BAIAP2L1: variants seen among roughly 807,000 people sequenced by gnomAD.
BAIAP2L1 encodes BAR/IMD domain containing adaptor protein 2 like 1, also known as BAR/IMD domain-containing adapter protein 2-like 1.
In BAIAP2L1, 35 loss-of-function variants were observed where a neutral mutation model predicts 66.3. The observed-to-expected ratio is 0.53, with a 90% CI of 0.40 to 0.70. The LOEUF (loss-of-function observed/expected upper bound fraction) is 0.70. Among genes scored for constraint, BAIAP2L1 ranks in the 30% least tolerant of loss-of-function variants. BAIAP2L1 has a pLI of 0.00. For missense variants in BAIAP2L1, 622 were observed against 656.9 expected, an observed-to-expected ratio of 0.95 and a Z score of 0.58; for synonymous variants, 269 against 248.7, an observed-to-expected ratio of 1.08 and a Z score of -0.77.
chr7:98,377,500 G>A lies in BAIAP2L1; in HGVS notation c.52-15068C>T, dbSNP rs374167930. Among the ~76,000 whole-genome samples, 173 of 152,224 alleles carry A rather than the reference G, an allele frequency of 1.1e-3. 1 individual carries two copies. Among genetic ancestry groups the A allele is most frequent in the African/African-American group, 3.9e-3 (160 of 41,536 alleles). ...GTCATACTTTTTGCCTGTTTGATAG[G>A]CAAACAATAGTATCTTTTAAAAAGT... On this transcript the variant is annotated intron_variant, in intron 1 of 13. Transcript: ENST00000005260.
At position 98,400,809 on chromosome 7, in the gene BAIAP2L1, G is replaced by A. The variant is rs1211915453; in HGVS notation, c.44C>T (p.Thr15Ile). 1 of 1,548,996 alleles carries A rather than the reference G, an allele frequency of 6.5e-7. No homozygotes were observed. Among genetic ancestry groups the A allele is most frequent in the East Asian group, 2.5e-5 (1 of 40,708 alleles). ...PEEVNRLTES[T>I]YRNVMEQFNP... ...CCCGGGCCCTGGGCTTACCCGGTAG[G>A]TGCTCTCCGTGAGCCGGTTCACCTC... The change falls in exon 1 of 14, where the codon ACC (threonine) becomes ATC (isoleucine). Residue 15 changes from threonine to isoleucine, a missense_variant. By Grantham distance (89) the Thr-to-Ile change is moderately conservative. Coordinates refer to ENST00000005260, the MANE Select transcript of BAIAP2L1 (RefSeq NM_018842.5).
At chr7:98,328,558 G>A (rs1439020535) in intron 3 of BAIAP2L1, among the ~76,000 whole-genome samples, 4 of 151,924 alleles carry the variant, frequency 2.6e-5, no homozygotes, top group Admixed American at 2.0e-4. Context: ...ACGTGGAGCA[G>A]ATGGGTTCAA....
intron 10 of BAIAP2L1, 187 bp from the exon 11 acceptor site, chr7:98,306,703 T>C: frequency 1.1e-6 from 1 of 872,448 alleles, no homozygotes; most frequent in South Asian, 1.8e-5. Flanking sequence ...ACAATGTGTA[T>C]TGTTAACAAT....
At chr7:98,310,773 G>A (rs1046700325) in intron 8 of BAIAP2L1, among the ~76,000 whole-genome samples, 181 bp from the exon 9 acceptor site, 1 of 151,814 alleles carries the variant, frequency 6.6e-6, no homozygotes, top group African/African-American at 2.4e-5. Flanking sequence ...TGCAACCTCC[G>A]CCTCCCAGTT....
intron 1 of BAIAP2L1, chr7:98,400,041 G>C (rs898176043): frequency 1.3e-5 from 2 of 151,766 alleles, no homozygotes; most frequent in African/African-American, 4.8e-5. Context: ...TCTTTTCTTA[G>C]AGGAAACTCG....
chr7:98,355,156 C>A, intron 2 of BAIAP2L1, 28 bp from the exon 3 acceptor site: 1 of 1,502,324 alleles, frequency 6.7e-7, no homozygotes, highest in Non-Finnish European at 9.3e-7. Flanking sequence ...CACACAAAAT[C>A]GTCACTTAGA....
chr7:98,366,709 T>G (rs373349136), intron 1 of BAIAP2L1, among the ~76,000 whole-genome samples: 1 of 152,188 alleles, frequency 6.6e-6, no homozygotes, highest in Non-Finnish European at 1.5e-5. Context: ...TCACCTGGTA[T>G]CACTAGACGC....
chr7:98,315,289 T>G (rs967955558), intron 7 of BAIAP2L1, among the ~76,000 whole-genome samples, 171 bp downstream of exon 7: 1 of 148,662 alleles, frequency 6.7e-6, no homozygotes. Context: ...GCCTGGCTAG[T>G]TTTTTTTTTA....
chr7:98,315,625 AAATAATAAT>A lies in BAIAP2L1; in HGVS notation c.487-22_487-14del. On this transcript the variant is annotated splice_polypyrimidine_tract_variant and intron_variant, in intron 6 of 13. Coordinates refer to ENST00000005260, the MANE Select transcript of BAIAP2L1 (RefSeq NM_018842.5). ...CGGTCTCCACATACTAAAAAAAAAA[AAATAATAAT>A]AATAATAATTATATAAGCATGACAT... The A allele has an allele frequency of 8.8e-7, 1 of 1,130,960 alleles. No individual in the cohort carries two copies. 70.1% of individuals were successfully genotyped at this position (1,130,960 alleles called of 1,614,324 possible). A position where few individuals can be genotyped will look rare whatever the true frequency, so the allele number is the denominator to read the frequency against.
chr7:98,301,475 G>GTATATA (rs60741017), intron 12 of BAIAP2L1, among the ~76,000 whole-genome samples: 48,340 of 141,848 alleles, frequency 0.34, 9,878 homozygotes, highest in Middle Eastern at 0.49. Context: ...TTTTTTTTTG[G>GTATATA]TATATATATA....
intron 3 of BAIAP2L1, among the ~76,000 whole-genome samples, chr7:98,322,044 C>T (rs1015697958): frequency 3.3e-5 from 5 of 152,214 alleles, no homozygotes; most frequent in East Asian, 3.9e-4. Context: ...TGCAGTGAGC[C>T]GAGATAGCGC....
At chr7:98,305,058 T>TG (rs1414695669) in intron 11 of BAIAP2L1, among the ~76,000 whole-genome samples, 1 of 145,794 alleles carries the variant, frequency 6.9e-6, no homozygotes, top group Non-Finnish European at 1.5e-5. Context: ...TTTTTTTTTT[T>TG]TTTTTTTTTT....
chr7:98,348,043 C>T (rs1291387777), intron 3 of BAIAP2L1, among the ~76,000 whole-genome samples: 2 of 151,710 alleles, frequency 1.3e-5, no homozygotes, highest in African/African-American at 4.8e-5. Context: ...TGTAGATGAC[C>T]GGTTAATGGG....
intron 1 of BAIAP2L1, among the ~76,000 whole-genome samples, chr7:98,378,425 A>C (rs1418778689): frequency 6.6e-6 from 1 of 152,180 alleles, no homozygotes; most frequent in South Asian, 2.1e-4. Context: ...GCTGAGGCAC[A>C]CTGGCCTCCG....
At chr7:98,398,146 AAC>A (rs1803261043) in intron 1 of BAIAP2L1, among the ~76,000 whole-genome samples, 1 of 152,204 alleles carries the variant, frequency 6.6e-6, no homozygotes, top group African/African-American at 2.4e-5. Context: ...GGCTTTTGTA[AAC>A]ACACCTGGTT....
rs1319271790 is a variant in BAIAP2L1 at position 98,293,046 on chromosome 7, ATTGC to A, written c.*471_*474del. On this transcript the variant is annotated 3_prime_UTR_variant, in exon 14 of 14. Transcript: ENST00000005260. ...TTTATATAGTATTTTCATAATTTAT[ATTGC>A]TTAAAATTATGATTTGCATGCTAAG... 4 of 881,296 alleles carry A rather than the reference ATTGC, an allele frequency of 4.5e-6. No individual in the cohort carries two copies. In the African/African-American group the frequency reaches 7.1e-5, roughly 16 times the overall value. 54.6% of individuals were successfully genotyped at this position (881,296 alleles called of 1,614,324 possible).
chr7:98,306,630 C>A, intron 10 of BAIAP2L1, 114 bp from the exon 11 acceptor site: 2 of 1,469,330 alleles, frequency 1.4e-6, no homozygotes, highest in East Asian at 2.3e-5. Flanking sequence ...CAGAAACGCC[C>A]ATGTGTGGAG....
Position 98,292,644 on chromosome 7 carries a change from A to C in BAIAP2L1, c.*877T>G. 1 of 1,551,682 alleles carries C rather than the reference A, an allele frequency of 6.4e-7. No homozygotes were observed. The highest frequency in any genetic ancestry group is 8.7e-7 in the Non-Finnish European group (1 of 1,146,982). On this transcript the variant is annotated 3_prime_UTR_variant, in exon 14 of 14. Transcript: ENST00000005260. The stretch of plus-strand genomic sequence containing the variant: ...AAAAACCCGCCCTTCTCCAGGCACC[A>C]GAGGTCATCCTGGCTTTACACGTAT...
intron 1 of BAIAP2L1, among the ~76,000 whole-genome samples, chr7:98,372,230 A>AC (rs2115767602): frequency 6.7e-6 from 1 of 149,182 alleles, no homozygotes; most frequent in South Asian, 2.1e-4. Flanking sequence ...ACATAGTGAA[A>AC]CCCCCTCCCT....
Sources: allele counts gnomAD v4.1 joint callset (sites outside exome capture counted in the v4.1 genomes callset), GRCh38; gene constraint gnomAD v4.1.1; transcripts MANE v1.5; gene names NCBI Gene and HGNC (gene_info 2026-07-23, HGNC 2026-07-21).